ALK: variants seen among roughly 807,000 people sequenced by gnomAD.
ALK encodes the protein ALK receptor tyrosine kinase, also known as ALK tyrosine kinase receptor.
Under a neutral mutation model 163.1 loss-of-function variants are expected in ALK, and 74 were observed. The observed-to-expected ratio is 0.45, with a 90% CI of 0.38 to 0.55. The LOEUF (loss-of-function observed/expected upper bound fraction) is 0.55. Ranked by LOEUF, ALK falls within the 20% of genes least tolerant of loss-of-function variation. ALK has a pLI of 0.00. For synonymous variants in ALK, 960 were observed against 843.2 expected, an observed-to-expected ratio of 1.14 and a Z score of -2.40; for missense variants, 2,063 against 2,105.3, an observed-to-expected ratio of 0.98 and a Z score of 0.39.
chr2:29,510,122 TAGA>T (rs1286293629), intron 4 of ALK, among the ~76,000 whole-genome samples: 3 of 152,144 alleles, frequency 2.0e-5, no homozygotes, highest in Admixed American at 6.5e-5. Context: ...GAAGAAATCC[TAGA>T]AGAAGTAAAA....
At chr2:29,451,171 G>A (rs981533603) in intron 4 of ALK, among the ~76,000 whole-genome samples, 1 of 152,114 alleles carries the variant, frequency 6.6e-6, no homozygotes, top group Non-Finnish European at 1.5e-5. Context: ...GCTTGAGAAT[G>A]CTTTCAGGTT....
chr2:29,331,724 G>A (rs564535241), intron 5 of ALK, among the ~76,000 whole-genome samples: 1 of 152,264 alleles, frequency 6.6e-6, no homozygotes, highest in African/African-American at 2.4e-5. Context: ...GAGCACCCCA[G>A]AAGCAGCACC....
At position 29,246,601 on chromosome 2, in the gene ALK, C is replaced by T. The variant is rs189967450; in HGVS notation, c.2204+4504G>A. ...AGCCAAGCTCGTGGGAGAGTGGCTG[C>T]GCTCCTTTGTCCTCGCTTCCTCAGT... On this transcript the variant is annotated intron_variant, in intron 12 of 28. Coordinates refer to ENST00000389048, the MANE Select transcript of ALK (RefSeq NM_004304.5). This position sits in a 1 kb window ranked among gnomAD's most constrained non-coding sequence, Gnocchi z 4.3. Among the ~76,000 whole-genome samples, 25 of 152,234 alleles carry T rather than the reference C, an allele frequency of 1.6e-4. No homozygotes were observed. The East Asian group carries it at 3.1e-3, about 19-fold the overall frequency.
Position 29,830,966 on chromosome 2 carries a change from AG to A in ALK, c.667+89026del, listed in dbSNP as rs752717988. On this transcript the variant is annotated intron_variant, in intron 1 of 28. Coordinates refer to ENST00000389048, the MANE Select transcript of ALK (RefSeq NM_004304.5). ...AGAAAAGAAGAAGAAAAGAAGAAGA[AG>A]AAGAAGAAGAAGAAGAAGAAGAAGA... Among the ~76,000 whole-genome samples the A allele has an allele frequency of 8.7e-3, 237 of 27,270 alleles. 1 individual carries two copies. The highest frequency in any genetic ancestry group is 0.032 in the African/African-American group (223 of 6,960). The allele number at this position is 27,270 out of a possible 152,430, so 17.9% of individuals were successfully genotyped here.
chr2:29,891,907 G>C (rs1028577799), intron 1 of ALK, among the ~76,000 whole-genome samples: 2 of 152,204 alleles, frequency 1.3e-5, no homozygotes, highest in Non-Finnish European at 2.9e-5. Flanking sequence ...TTCAGCAAAA[G>C]CTCATTCTCT....
intron 4 of ALK, among the ~76,000 whole-genome samples, chr2:29,449,218 T>C (rs142473236): frequency 1.3e-5 from 2 of 152,282 alleles, no homozygotes; most frequent in Non-Finnish European, 2.9e-5. Context: ...GGATAAGATA[T>C]GGAATGTGCT....
intron 1 of ALK, among the ~76,000 whole-genome samples, chr2:29,883,505 G>C (rs1017579147): frequency 1.1e-4 from 17 of 152,176 alleles, no homozygotes; most frequent in African/African-American, 4.1e-4. Flanking sequence ...TGGGTGCTGT[G>C]ACTTGTCTAC....
intron 3 of ALK, among the ~76,000 whole-genome samples, chr2:29,669,653 G>A (rs1018553780): frequency 6.6e-6 from 1 of 151,786 alleles, no homozygotes; most frequent in Non-Finnish European, 1.5e-5. Flanking sequence ...CTGCTTTCTG[G>A]CTGTTTTAAG....
chr2:29,669,058 C>A (rs1223020150), intron 3 of ALK, among the ~76,000 whole-genome samples: 2 of 151,850 alleles, frequency 1.3e-5, no homozygotes, highest in East Asian at 3.9e-4. Context: ...GGGGACACAG[C>A]CAAACCATAT....
intron 3 of ALK, among the ~76,000 whole-genome samples, chr2:29,667,763 C>T (rs1573540173): frequency 6.6e-6 from 1 of 151,712 alleles, no homozygotes; most frequent in African/African-American, 2.4e-5. Flanking sequence ...TTCTTGTGTC[C>T]TTGTCTGGTT....
rs531209341 is a variant in ALK at position 29,504,380 on chromosome 2, G to T, written c.1154+27535C>A. 3.3e-5 allele frequency among the ~76,000 whole-genome samples: 5 copies of T among 152,292 alleles called. No homozygotes were observed. In the East Asian group the frequency reaches 9.7e-4, roughly 29 times the overall value. On this transcript the variant is annotated intron_variant, in intron 4 of 28. Coordinates refer to ENST00000389048, the MANE Select transcript of ALK (RefSeq NM_004304.5). ...GGTTTTATAGTGAGGTGGCCTGCTG[G>T]CATAACTTGATCTACATTTTTGATG...
intron 8 of ALK, among the ~76,000 whole-genome samples, chr2:29,299,341 CA>C (rs1295546293): frequency 6.6e-6 from 1 of 152,222 alleles, no homozygotes; most frequent in Non-Finnish European, 1.5e-5. Flanking sequence ...ATGGCATTTA[CA>C]TTCCTCTATT....
chr2:29,854,393 G>A (rs1005170244), intron 1 of ALK, among the ~76,000 whole-genome samples: 1 of 152,028 alleles, frequency 6.6e-6, no homozygotes, highest in Non-Finnish European at 1.5e-5. Flanking sequence ...GTTGTTTAAA[G>A]GAGCCTGGAA....
intron 5 of ALK, among the ~76,000 whole-genome samples, chr2:29,342,057 G>A (rs1354821219): frequency 6.6e-6 from 1 of 152,088 alleles, no homozygotes; most frequent in Non-Finnish European, 1.5e-5. Flanking sequence ...TTTTGAATGT[G>A]TTATCTTTCA....
intron 1 of ALK, among the ~76,000 whole-genome samples, chr2:29,792,955 T>C (rs1464447384): frequency 6.6e-6 from 1 of 152,200 alleles, no homozygotes; most frequent in Non-Finnish European, 1.5e-5. Context: ...AAGACAATAA[T>C]GAAGTTTGTT....
intron 13 of ALK, among the ~76,000 whole-genome samples, chr2:29,237,289 A>G (rs909494706): frequency 3.9e-5 from 6 of 152,144 alleles, no homozygotes; most frequent in Admixed American, 1.3e-4. Context: ...AGATTCTTCT[A>G]TGGTAGATTC....
intron 3 of ALK, among the ~76,000 whole-genome samples, chr2:29,628,771 CTT>C (rs1466783613): frequency 6.6e-6 from 1 of 152,124 alleles, no homozygotes; most frequent in Non-Finnish European, 1.5e-5. Context: ...ATGCAAATGA[CTT>C]TTAAACTAAG....
rs539175397 is a variant in ALK at position 29,571,534 on chromosome 2, C to T, written c.953-39418G>A. Among the ~76,000 whole-genome samples, 15 of 151,636 alleles carry T rather than the reference C, an allele frequency of 9.9e-5. No homozygotes were observed. The East Asian group carries it at 2.7e-3, about 27-fold the overall frequency. On this transcript the variant is annotated intron_variant, in intron 3 of 28. Transcript: ENST00000389048. ...TGATTCTAAGTTTCCTGAGGCCTCC[C>T]CAGCCATGTGGAACTGTGAGTCAAT...
At chr2:29,702,747 A>T (rs988593351) in intron 2 of ALK, among the ~76,000 whole-genome samples, 1 of 152,262 alleles carries the variant, frequency 6.6e-6, no homozygotes, top group African/African-American at 2.4e-5. Flanking sequence ...ACATGGCAGC[A>T]GGCAAGAGTG....
Sources: gnomAD v4.1 joint callset for allele counts (sites outside exome capture counted in the v4.1 genomes callset) on GRCh38, gnomAD v4.1.1 for gene constraint, Gnocchi (gnomAD v3.1) non-coding constraint, MANE v1.5 for transcripts, NCBI Gene and HGNC (gene_info 2026-07-23, HGNC 2026-07-21) for gene names.